Variants in ARHGAP42 observed in about 807,000 individuals in gnomAD.
ARHGAP42 encodes rho GTPase-activating protein 42.
ARHGAP42 carries 63 observed loss-of-function variants against 125.0 expected under a neutral mutation model. The ratio of observed to expected loss-of-function variants is 0.50; its 90% CI spans 0.41 to 0.62. The LOEUF is 0.62. Among genes scored for constraint, ARHGAP42 ranks in the 20% least tolerant of loss-of-function variants. ARHGAP42 has a pLI of 0.00. For synonymous variants in ARHGAP42, 339 were observed against 351.0 expected (o/e 0.97, Z 0.38); for missense variants, 766 against 1,024.2 (o/e 0.75, Z 3.44).
At chr11:100,899,732 TTG>T (rs1491286957) in intron 4 of ARHGAP42, among the ~76,000 whole-genome samples, 33,175 of 93,388 alleles carry the variant, frequency 0.36, 4,444 homozygotes, top group Middle Eastern at 0.52. Flanking sequence ...GTTTTTTTTT[TTG>T]TTTTTTTTTG....
chr11:100,736,989 G>C (rs1490791913), intron 1 of ARHGAP42, among the ~76,000 whole-genome samples: 1 of 152,146 alleles, frequency 6.6e-6, no homozygotes, highest in Non-Finnish European at 1.5e-5. Context: ...CTATAGGACA[G>C]TGGAACCAGT....
intron 1 of ARHGAP42, among the ~76,000 whole-genome samples, chr11:100,703,533 T>G (rs1861431446): frequency 6.6e-6 from 1 of 152,248 alleles, no homozygotes; most frequent in South Asian, 2.1e-4. Flanking sequence ...AATGCTTCTA[T>G]TAGATGTTAA....
At chr11:100,890,519 C>G (rs1426306248) in intron 4 of ARHGAP42, among the ~76,000 whole-genome samples, 6 of 152,132 alleles carry the variant, frequency 3.9e-5, no homozygotes, top group Non-Finnish European at 8.8e-5. Flanking sequence ...GAGAAATAAC[C>G]TCTTAAGGAC....
chr11:100,919,409 A>C (rs1281996061), intron 5 of ARHGAP42, among the ~76,000 whole-genome samples: 1 of 152,118 alleles, frequency 6.6e-6, no homozygotes, highest in Non-Finnish European at 1.5e-5. Context: ...CAACCTTGTA[A>C]GCAAACCTTT....
At chr11:100,821,522 G>T (rs1422241264) in intron 3 of ARHGAP42, among the ~76,000 whole-genome samples, 1 of 151,288 alleles carries the variant, frequency 6.6e-6, no homozygotes, top group Non-Finnish European at 1.5e-5. Context: ...CTATCAGTAG[G>T]AGTAAAATGT....
intron 3 of ARHGAP42, among the ~76,000 whole-genome samples, chr11:100,804,796 G>A (rs1863951935): frequency 6.6e-6 from 1 of 152,136 alleles, no homozygotes; most frequent in Non-Finnish European, 1.5e-5. Flanking sequence ...ACAGGCGTGA[G>A]CCACCGTACC....
chr11:100,942,357 C>A (rs2155444), intron 9 of ARHGAP42, among the ~76,000 whole-genome samples: 22,724 of 152,140 alleles, frequency 0.15, 1,961 homozygotes, highest in East Asian at 0.25. Flanking sequence ...CTCAGAAGAA[C>A]CCAATAGATG....
intron 17 of ARHGAP42, among the ~76,000 whole-genome samples, chr11:100,966,401 A>G (rs1282706154): frequency 2.6e-5 from 4 of 152,174 alleles, no homozygotes; most frequent in Non-Finnish European, 5.9e-5. Context: ...TGATTATGGA[A>G]GCTAATAAGT....
chr11:100,843,378 A>C (rs1331691263), intron 3 of ARHGAP42, among the ~76,000 whole-genome samples: 2 of 151,772 alleles, frequency 1.3e-5, no homozygotes, highest in African/African-American at 4.8e-5. Context: ...GCTTATTTCT[A>C]CCAGTCATTC....
chr11:100,782,659 G>A (rs778629553), intron 2 of ARHGAP42, among the ~76,000 whole-genome samples: 6 of 151,410 alleles, frequency 4.0e-5, no homozygotes, highest in Non-Finnish European at 7.4e-5. Flanking sequence ...TCTAGGAATA[G>A]GAGGCTTAAA....
intron 18 of ARHGAP42, 64 bp downstream of exon 18, chr11:100,973,398 A>G: frequency 1.3e-6 from 2 of 1,490,378 alleles, no homozygotes; most frequent in East Asian, 2.5e-5. Flanking sequence ...GGAATTTTGC[A>G]TTTGATCTGT....
At chr11:100,811,706 G>A (rs776782865) in intron 3 of ARHGAP42, among the ~76,000 whole-genome samples, 1 of 151,870 alleles carries the variant, frequency 6.6e-6, no homozygotes, top group South Asian at 2.1e-4. Flanking sequence ...CATCATGTTA[G>A]CCAGGCTAGT....
intron 1 of ARHGAP42, among the ~76,000 whole-genome samples, chr11:100,752,798 C>T (rs1862490669): frequency 6.6e-6 from 1 of 152,212 alleles, no homozygotes; most frequent in Admixed American, 6.5e-5. Flanking sequence ...TTAGGACCTT[C>T]TGGTTAGCCA....
intron 2 of ARHGAP42, among the ~76,000 whole-genome samples, chr11:100,775,907 C>T (rs1406257100): frequency 6.6e-6 from 1 of 152,114 alleles, no homozygotes; most frequent in Non-Finnish European, 1.5e-5. Flanking sequence ...CGCTTGTAAT[C>T]CCAGCACTTT....
At chr11:100,713,557 A>G (rs1176231942) in intron 1 of ARHGAP42, among the ~76,000 whole-genome samples, 1 of 152,226 alleles carries the variant, frequency 6.6e-6, no homozygotes, top group Non-Finnish European at 1.5e-5. Flanking sequence ...TTTTCAGCTA[A>G]TTATTAGTCA....
chr11:100,839,449 C>T (rs931067119), intron 3 of ARHGAP42: 15 of 152,250 alleles, frequency 9.9e-5, no homozygotes, highest in Non-Finnish European at 1.5e-4. Flanking sequence ...AATGGAAACG[C>T]TCTTGACAGG....
chr11:100,912,038 C>G (rs1866936256), intron 4 of ARHGAP42, among the ~76,000 whole-genome samples: 2 of 152,276 alleles, frequency 1.3e-5, no homozygotes, highest in Middle Eastern at 3.4e-3. Context: ...TTTACCAGCT[C>G]ACTTCCTAAA....
At chr11:100,875,666 CAA>C (rs1461708335) in intron 4 of ARHGAP42, among the ~76,000 whole-genome samples, 171 of 152,244 alleles carry the variant, frequency 1.1e-3, no homozygotes, top group Admixed American at 3.5e-3. Context: ...CCCAGGCAGG[CAA>C]CAGAGGTCAA....
chr11:100,751,586 A>T (rs1862458865), intron 1 of ARHGAP42, among the ~76,000 whole-genome samples: 1 of 151,702 alleles, frequency 6.6e-6, no homozygotes, highest in Non-Finnish European at 1.5e-5. Flanking sequence ...TGCAATACCC[A>T]GTGGTGGATG....
Sources: allele counts gnomAD v4.1 joint callset (sites outside exome capture counted in the v4.1 genomes callset), GRCh38; gene constraint gnomAD v4.1.1; transcripts MANE v1.5; gene names NCBI Gene and HGNC (gene_info 2026-07-23, HGNC 2026-07-21).